EPHA3: variants seen among roughly 807,000 people sequenced by gnomAD.
EPHA3 encodes the protein EPH receptor A3.
Under a neutral mutation model 107.1 loss-of-function variants are expected in EPHA3, and 42 were observed. The ratio of observed to expected loss-of-function variants is 0.39; its 90% confidence interval spans 0.31 to 0.51. The LOEUF is 0.51. Ranked by LOEUF, EPHA3 falls within the 20% of genes least tolerant of loss-of-function variation. EPHA3 has a pLI of 0.78. For missense variants in EPHA3, 1,183 were observed against 1,211.2 expected (o/e 0.98, Z 0.35); for synonymous variants, 461 against 424.8 (o/e 1.09, Z -1.05).
rs550501306 is a variant in EPHA3, at chr3:89,239,055, C to T, written c.814+28535C>T. Among the ~76,000 whole-genome samples, 8 of 152,182 alleles carry T rather than the reference C, an allele frequency of 5.3e-5. No homozygotes were observed. In the South Asian group the frequency reaches 6.2e-4, roughly 12 times the overall value. Reference sequence around the variant, plus strand: ...CACATTCCCATGCTCAAGAATATGACGTAAGAAGTCACACAGTATGCGAGA... The same window carrying T: ...CACATTCCCATGCTCAAGAATATGATGTAAGAAGTCACACAGTATGCGAGA... On this transcript the variant is annotated intron_variant, in intron 3 of 16. Coordinates refer to ENST00000336596, the MANE Select transcript of EPHA3 (RefSeq NM_005233.6).
chr3:89,392,039 T>C (rs559113211), intron 5 of EPHA3, among the ~76,000 whole-genome samples: 1 of 152,322 alleles, frequency 6.6e-6, no homozygotes, highest in East Asian at 1.9e-4. Context: ...CTAACTTGCG[T>C]CAATGCCTGC....
intron 5 of EPHA3, among the ~76,000 whole-genome samples, chr3:89,356,714 A>C (rs1164908227): frequency 6.6e-6 from 1 of 151,154 alleles, no homozygotes; most frequent in Non-Finnish European, 1.5e-5. Flanking sequence ...CTGTGCCATC[A>C]CTGAGGTGCC....
intron 3 of EPHA3, among the ~76,000 whole-genome samples, chr3:89,319,772 C>G (rs1015563317): frequency 1.3e-5 from 2 of 151,920 alleles, no homozygotes; most frequent in Non-Finnish European, 2.9e-5. Flanking sequence ...CTTTTAATTT[C>G]TAAGCTATTA....
At chr3:89,261,191 T>C (rs1461670246) in intron 3 of EPHA3, among the ~76,000 whole-genome samples, 1 of 152,226 alleles carries the variant, frequency 6.6e-6, no homozygotes, top group Admixed American at 6.5e-5. Flanking sequence ...AAAAATTATT[T>C]TATATTCTTC....
intron 5 of EPHA3, among the ~76,000 whole-genome samples, chr3:89,389,593 T>C (rs985316292): frequency 5.3e-5 from 8 of 152,196 alleles, no homozygotes; most frequent in African/African-American, 1.9e-4. Flanking sequence ...AGATCCTTTA[T>C]GGGTTGAATT....
chr3:89,210,432 G>A lies in EPHA3; in HGVS notation c.726G>A (p.Met242Ile), dbSNP rs2107183290. The change falls in exon 3 of 17, where the codon ATG becomes ATA. Residue 242 changes from methionine (M) to isoleucine (I), a missense_variant. Met to Ile is a conservative substitution (Grantham distance 10). Transcript: ENST00000336596. ...CTAAGGAGGAAGATCCTCCAAGGAT[G>A]TACTGCAGTACAGAAGGCGAATGGC... The part of the protein sequence containing the change: ...NNSKEEDPPR[M>I]YCSTEGEWLV... 1 of 1,613,020 alleles carries A rather than the reference G, an allele frequency of 6.2e-7. No homozygotes were observed. Among genetic ancestry groups the A allele is most frequent in the Non-Finnish European group, 8.5e-7 (1 of 1,179,558 alleles).
chr3:89,438,615 A>G (rs981659482), intron 13 of EPHA3, among the ~76,000 whole-genome samples: 9 of 152,212 alleles, frequency 5.9e-5, no homozygotes, highest in Non-Finnish European at 1.3e-4. Flanking sequence ...GACACATATT[A>G]ATTTGATAAG....
chr3:89,205,857 GA>G (rs1706089091), intron 2 of EPHA3, among the ~76,000 whole-genome samples: 2 of 151,260 alleles, frequency 1.3e-5, no homozygotes, highest in South Asian at 4.2e-4. Flanking sequence ...TAGAATCTCT[GA>G]TAAAATATAA....
chr3:89,150,773 TTTA>T (rs1454639446), intron 2 of EPHA3, among the ~76,000 whole-genome samples: 1 of 152,096 alleles, frequency 6.6e-6, no homozygotes, highest in Non-Finnish European at 1.5e-5. Context: ...CATTTGTACC[TTTA>T]GAACACTTGT....
At position 89,419,377 on chromosome 3, in the gene EPHA3, A is replaced by C. The variant is rs1559689207; in HGVS notation, c.2061A>C (p.Gly687=). 6.3e-7 allele frequency: 1 copy of C among 1,589,776 alleles called. No homozygotes were observed. The highest frequency in any genetic ancestry group is 1.8e-5 in the Admixed American group (1 of 55,520). Residue 687 remains glycine, a synonymous_variant, in exon 11 of 17, where the codon GGA becomes GGC. Transcript: ENST00000336596. ...FDHPNIIRLE[G]VVTKSKPVMI... ...ACCCCAATATCATTCGACTGGAAGG[A>C]GTTGTTACCAAAAGTAAGTAAAGTA...
At position 89,195,554 on chromosome 3, in the gene EPHA3, T is replaced by A. The variant is rs117151258; in HGVS notation, c.154-14306T>A. On this transcript the variant is annotated intron_variant, in intron 2 of 16. Coordinates refer to ENST00000336596, the MANE Select transcript of EPHA3 (RefSeq NM_005233.6). ...ATGTTAGCTTAAAACCTCAGAGTCA[T>A]TTTCAGGTTTTTAGTTTTCTCAAAA... Among the ~76,000 whole-genome samples, 379 of 152,272 alleles carry A rather than the reference T, an allele frequency of 2.5e-3. 11 individuals carry two copies. The East Asian group carries it at 0.066, about 27-fold the overall frequency.
chr3:89,146,693 T>C (rs1307523609), intron 2 of EPHA3, among the ~76,000 whole-genome samples: 1 of 151,988 alleles, frequency 6.6e-6, no homozygotes, highest in Non-Finnish European at 1.5e-5. Flanking sequence ...TTGCTTTTGG[T>C]GTTTTAGTCA....
At chr3:89,221,446 A>G (rs1418159651) in intron 3 of EPHA3, among the ~76,000 whole-genome samples, 2 of 152,178 alleles carry the variant, frequency 1.3e-5, no homozygotes, top group African/African-American at 4.8e-5. Flanking sequence ...CGCTCTCTTA[A>G]CATGCCTTCT....
chr3:89,455,186 C>T (rs1333540166), intron 15 of EPHA3, among the ~76,000 whole-genome samples: 5 of 151,872 alleles, frequency 3.3e-5, no homozygotes, highest in Admixed American at 6.6e-5. Flanking sequence ...AAACAACAGA[C>T]AAGTACAGAC....
At chr3:89,359,758 C>CACATATATACACACATATATAT (rs1708047909) in intron 5 of EPHA3, among the ~76,000 whole-genome samples, 1 of 84,494 alleles carries the variant, frequency 1.2e-5, no homozygotes, top group Admixed American at 1.1e-4. Flanking sequence ...CACATATATA[C>CACATATATACACACATATATAT]ACATATATAC....
intron 2 of EPHA3, among the ~76,000 whole-genome samples, chr3:89,148,256 T>C (rs1239599565): frequency 3.9e-5 from 6 of 151,928 alleles, no homozygotes; most frequent in African/African-American, 1.2e-4. Flanking sequence ...AATACCAGGG[T>C]CATTATTACT....
chr3:89,114,239 A>T (rs1707194642), intron 1 of EPHA3, among the ~76,000 whole-genome samples: 1 of 152,178 alleles, frequency 6.6e-6, no homozygotes, highest in African/African-American at 2.4e-5. Flanking sequence ...ATTAAATTAC[A>T]AAAGTGTGTC....
At chr3:89,247,089 C>T (rs1407448641) in intron 3 of EPHA3, among the ~76,000 whole-genome samples, 1 of 152,008 alleles carries the variant, frequency 6.6e-6, no homozygotes, top group Non-Finnish European at 1.5e-5. Flanking sequence ...TTCTAGATAC[C>T]GGGAATAATT....
At chr3:89,218,057 A>C (rs184388389) in intron 3 of EPHA3, among the ~76,000 whole-genome samples, 19 of 152,310 alleles carry the variant, frequency 1.2e-4, no homozygotes, top group Admixed American at 1.2e-3. Flanking sequence ...TAAATGTTTT[A>C]TGGCATACAG....
Sources: gnomAD v4.1 joint callset for allele counts (sites outside exome capture counted in the v4.1 genomes callset) on GRCh38, gnomAD v4.1.1 for gene constraint, MANE v1.5 for transcripts, NCBI Gene and HGNC (gene_info 2026-07-23, HGNC 2026-07-21) for gene names.